The following GTF2F2 variants were observed in gnomAD, a reference collection of about 807,000 sequenced individuals.
GTF2F2 encodes the protein general transcription factor IIF subunit 2.
Under a neutral mutation model 42.2 loss-of-function variants are expected in GTF2F2, and 23 were observed. The ratio of observed to expected loss-of-function variants is 0.55; its 90% CI spans 0.39 to 0.77. The LOEUF is 0.77. Ranked by LOEUF, GTF2F2 falls within the 30% of genes least tolerant of loss-of-function variation. The pLI, the probability that GTF2F2 is intolerant of heterozygous loss-of-function variation, is 0.00. For missense variants in GTF2F2, 261 were observed against 287.2 expected (o/e 0.91, Z 0.66); for synonymous variants, 105 against 100.8 (o/e 1.04, Z -0.25).
At chr13:45,143,340 A>G (rs1408216296) in intron 2 of GTF2F2, among the ~76,000 whole-genome samples, 1 of 152,218 alleles carries the variant, frequency 6.6e-6, no homozygotes, top group East Asian at 1.9e-4. Flanking sequence ...AGTGTGGCAT[A>G]CTGGTTATGA....
rs765260379 is a variant in GTF2F2, at chr13:45,131,897, C to CAAAAAA, written c.67-4817_67-4812dup. On this transcript the variant is annotated intron_variant, in intron 1 of 7. Coordinates refer to ENST00000340473, the MANE Select transcript of GTF2F2 (RefSeq NM_004128.3). ...TGGGTGACAGAATGAGACCCTGTCT[C>CAAAAAA]AAAAAAAAAAAAAAAAAAAAAAAAG... Among the ~76,000 whole-genome samples, 314 of 53,184 alleles carry CAAAAAA rather than the reference C, an allele frequency of 5.9e-3. 8 individuals carry two copies. Among genetic ancestry groups the CAAAAAA allele is most frequent in the African/African-American group, 0.017 (300 of 17,994 alleles). 34.9% of individuals were successfully genotyped at this position (53,184 alleles called of 152,430 possible). A position where few individuals can be genotyped will look rare whatever the true frequency, so the allele number is the denominator to read the frequency against.
intron 5 of GTF2F2, among the ~76,000 whole-genome samples, chr13:45,228,610 C>T (rs970052067): frequency 4.6e-5 from 7 of 151,428 alleles, no homozygotes; most frequent in Admixed American, 1.3e-4. Context: ...GTATTGTTCT[C>T]CCTAAACACT....
chr13:45,204,970 G>T (rs965309858), intron 4 of GTF2F2, among the ~76,000 whole-genome samples: 2 of 152,180 alleles, frequency 1.3e-5, no homozygotes, highest in Non-Finnish European at 2.9e-5. Flanking sequence ...ATGGGCAGTT[G>T]CTGTGGACCT....
chr13:45,178,425 CT>C (rs60059874), intron 4 of GTF2F2, among the ~76,000 whole-genome samples: 4,268 of 121,946 alleles, frequency 0.035, 160 homozygotes, highest in African/African-American at 0.098. Flanking sequence ...CTGAGTTTGT[CT>C]TTTTTTTTTT....
intron 7 of GTF2F2, among the ~76,000 whole-genome samples, chr13:45,268,291 C>G (rs1432740889): frequency 1.3e-5 from 2 of 152,080 alleles, no homozygotes; most frequent in Non-Finnish European, 2.9e-5. Flanking sequence ...GTAACAATAA[C>G]CAATTTTAAA....
chr13:45,201,668 T>C (rs1189139611), intron 4 of GTF2F2, among the ~76,000 whole-genome samples: 1 of 152,196 alleles, frequency 6.6e-6, no homozygotes, highest in Non-Finnish European at 1.5e-5. Flanking sequence ...ATACATAAAT[T>C]ACCATCATCA....
chr13:45,164,867 A>C lies in GTF2F2; in HGVS notation c.304+13036A>C, dbSNP rs117928650. Among the ~76,000 whole-genome samples the C allele has an allele frequency of 3.9e-5, 6 of 152,370 alleles. No homozygotes were observed. In the East Asian group the frequency reaches 1.2e-3, roughly 29 times the overall value. On this transcript the variant is annotated intron_variant, in intron 4 of 7. Coordinates refer to ENST00000340473, the MANE Select transcript of GTF2F2 (RefSeq NM_004128.3). The stretch of plus-strand genomic sequence containing the variant: ...TTACCAAAAAATGGATTAGAGACCT[A>C]CACTTGAACTGTGTTCTTGATTACG...
chr13:45,141,771 G>A (rs1047848953), intron 2 of GTF2F2, among the ~76,000 whole-genome samples: 14 of 152,092 alleles, frequency 9.2e-5, no homozygotes, highest in Non-Finnish European at 1.8e-4. Flanking sequence ...AGGTGGCCAT[G>A]GGTAACTGCT....
chr13:45,174,468 T>C (rs1871761245), intron 4 of GTF2F2, among the ~76,000 whole-genome samples: 1 of 152,138 alleles, frequency 6.6e-6, no homozygotes, highest in South Asian at 2.1e-4. Context: ...GAGAAAACCA[T>C]CATTGACATT....
At chr13:45,178,396 A>G (rs993619063) in intron 4 of GTF2F2, among the ~76,000 whole-genome samples, 1 of 140,852 alleles carries the variant, frequency 7.1e-6, no homozygotes, top group Non-Finnish European at 1.5e-5. Flanking sequence ...ATCTGTGACA[A>G]TTTTCCCTGT....
intron 2 of GTF2F2, 100 bp from the exon 3 acceptor site, chr13:45,149,670 A>G: frequency 2.5e-6 from 3 of 1,179,768 alleles, no homozygotes; most frequent in Non-Finnish European, 3.4e-6. Context: ...TAAATGTAAT[A>G]TTTTATGTAA....
At chr13:45,277,166 A>G (rs1199689067) in intron 7 of GTF2F2, among the ~76,000 whole-genome samples, 3 of 152,210 alleles carry the variant, frequency 2.0e-5, no homozygotes, top group Non-Finnish European at 4.4e-5. Flanking sequence ...TAAATGAGGG[A>G]AAATGTCTGT....
At position 45,267,230 on chromosome 13, in the gene GTF2F2, T is replaced by C. The variant is rs956371698; in HGVS notation, c.487-3T>C. On this transcript the variant is annotated splice_region_variant and splice_polypyrimidine_tract_variant and intron_variant, in intron 6 of 7. Transcript: ENST00000340473. ...TTTTATTTCCTTTGCTGTTTGCATA[T>C]AGATCGAATATGAAAGGAAAAAGAA... 6.2e-7 allele frequency: 1 copy of C among 1,609,810 alleles called. No homozygotes were observed. The highest frequency in any genetic ancestry group is 1.7e-5 in the Admixed American group (1 of 59,810).
rs1254890913 is a variant in GTF2F2 at position 45,279,150 on chromosome 13, C to G, written c.631-4292C>G. On this transcript the variant is annotated intron_variant, in intron 7 of 7. Transcript: ENST00000340473. ...ATATGCCTTTTTCTTTGCCCCCATCCTCTGCACTAATCTTAAACTGTGAAC... is the reference window on the plus strand; with the variant it reads ...ATATGCCTTTTTCTTTGCCCCCATCGTCTGCACTAATCTTAAACTGTGAAC... 2.0e-5 allele frequency among the ~76,000 whole-genome samples: 3 copies of G among 152,276 alleles called. No individual in the cohort carries two copies. The East Asian group carries it at 5.8e-4, about 29-fold the overall frequency.
rs766375703 is a variant in GTF2F2 at position 45,181,200 on chromosome 13, A to AAAAAC, written c.305-26221_305-26220insACAAA. On this transcript the variant is annotated intron_variant, in intron 4 of 7. Coordinates refer to ENST00000340473, the MANE Select transcript of GTF2F2 (RefSeq NM_004128.3). ...AAAAAACAAACAAACAAAAAAAAAA[A>AAAAAC]AAACCAGAAAAACCAAAGGTGATAT... Among the ~76,000 whole-genome samples, 101 of 132,876 alleles carry AAAAAC rather than the reference A, an allele frequency of 7.6e-4. 4 individuals are homozygous for AAAAAC. The highest frequency in any genetic ancestry group is 6.1e-4 in the Non-Finnish European group (37 of 60,690). 87.2% of individuals were successfully genotyped at this position (132,876 alleles called of 152,430 possible). A position where few individuals can be genotyped will look rare whatever the true frequency, so the allele number is the denominator to read the frequency against.
chr13:45,269,729 A>G (rs1286795670), intron 7 of GTF2F2, among the ~76,000 whole-genome samples: 1 of 152,250 alleles, frequency 6.6e-6, no homozygotes, highest in East Asian at 1.9e-4. Context: ...CAAGGTACTT[A>G]AATACATTTA....
chr13:45,189,297 C>G (rs537199638), intron 4 of GTF2F2, among the ~76,000 whole-genome samples: 1 of 152,204 alleles, frequency 6.6e-6, no homozygotes, highest in East Asian at 1.9e-4. Context: ...TTTATCCAAT[C>G]TGTTATGATG....
At chr13:45,249,122 A>G (rs971011223) in intron 5 of GTF2F2, among the ~76,000 whole-genome samples, 1 of 152,350 alleles carries the variant, frequency 6.6e-6, no homozygotes. Context: ...CAGTGATGAA[A>G]TGGAGTTGCC....
intron 4 of GTF2F2, among the ~76,000 whole-genome samples, chr13:45,156,852 G>A (rs1343793949): frequency 6.6e-6 from 1 of 152,208 alleles, no homozygotes; most frequent in Non-Finnish European, 1.5e-5. Flanking sequence ...CGCCTTTGTA[G>A]CAGTTCATTA....
Sources: gnomAD v4.1 joint callset for allele counts (sites outside exome capture counted in the v4.1 genomes callset) on GRCh38, gnomAD v4.1.1 for gene constraint, MANE v1.5 for transcripts, NCBI Gene and HGNC (gene_info 2026-07-23, HGNC 2026-07-21) for gene names.